The following RNASE11 variants were observed in gnomAD, a reference collection of about 807,000 sequenced individuals.
RNASE11 encodes the protein ribonuclease A family member 11 (inactive), also known as putative inactive ribonuclease 11.
For missense variants in RNASE11, 252 were observed against 237.8 expected, an observed-to-expected ratio of 1.06 and a Z score of -0.39; for synonymous variants, 105 against 86.1, an observed-to-expected ratio of 1.22 and a Z score of -1.21.
At chr14:20,585,526 T>C (rs1328348628) in intron 1 of RNASE11, among the ~76,000 whole-genome samples, 1 of 152,228 alleles carries the variant, frequency 6.6e-6, no homozygotes, top group Non-Finnish European at 1.5e-5. Context: ...TGTAGATTAA[T>C]AAAGAATCTG....
upstream of RNASE11, chr14:20,587,764 C>A (rs1422620962): frequency 1.0e-6 from 1 of 985,544 alleles, no homozygotes; most frequent in African/African-American, 1.7e-5. Context: ...CTGTCCTTCA[C>A]TTACGATTAT....
chr14:20,586,307 G>A (rs2138889561), intron 1 of RNASE11, among the ~76,000 whole-genome samples: 1 of 152,166 alleles, frequency 6.6e-6, no homozygotes, highest in Non-Finnish European at 1.5e-5. Flanking sequence ...ATCCTTCAAA[G>A]CCCAGTTCAG....
At chr14:20,584,085 C>T in exon 2 of RNASE11, 1 of 1,614,156 alleles carries the variant, frequency 6.2e-7, no homozygotes, top group East Asian at 2.2e-5. Flanking sequence ...CCCTGTGGAC[C>T]CTGCGCATCA....
At chr14:20,589,811 C>T (rs1305423587), upstream of RNASE11, among the ~76,000 whole-genome samples, 5 of 152,006 alleles carry the variant, frequency 3.3e-5, no homozygotes, top group Admixed American at 2.0e-4. Flanking sequence ...CACTTGAACC[C>T]GGGAAGCAGA....
chr14:20,582,942 T>G (rs143648004), downstream of RNASE11: 3 of 152,052 alleles, frequency 2.0e-5, no homozygotes, highest in African/African-American at 7.2e-5. Context: ...TAAGAAAGAG[T>G]GGTCTCAGGA....
In RNASE11 at chr14:20,587,642, G is replaced by A. The variant is rs954441041; in HGVS notation, c.-102C>T. 2 of 985,258 alleles carry A rather than the reference G, an allele frequency of 2.0e-6. No individual in the cohort carries two copies. Among genetic ancestry groups the A allele is most frequent in the Middle Eastern group, 5.2e-4 (1 of 1,916 alleles). 61.0% of individuals were successfully genotyped at this position (985,258 alleles called of 1,614,324 possible). On this transcript the variant is annotated 5_prime_UTR_variant, in exon 1 of 2. Coordinates refer to ENST00000553849, the Ensembl canonical transcript of RNASE11. The stretch of plus-strand genomic sequence containing the variant: ...CCCAAAATTCTATGGAGACAACAAT[G>A]ACAACAGAATTACCACAGAGAACTA...
In RNASE11 at chr14:20,584,088, G is replaced by A. The variant is rs369031945; in HGVS notation, c.387C>T (p.Arg129=). The change falls in exon 2 of 2, where the codon CGC becomes CGT. Residue 129 remains arginine, a synonymous_variant. Transcript: ENST00000553849. ...TGCAGCTGGGGGCCCTGTGGACCCT[G>A]CGCATCACTTCTGTGGAGCTGCGGA... 1.1e-5 allele frequency: 17 copies of A among 1,614,224 alleles called. No individual in the cohort carries two copies. In the African/African-American group the frequency reaches 1.6e-4, roughly 15 times the overall value.
chr14:20,582,897 A>G (rs1884334860), downstream of RNASE11: 1 of 152,232 alleles, frequency 6.6e-6, no homozygotes, highest in African/African-American at 2.4e-5. Context: ...CATAATTTAC[A>G]TACATTTACA....
At chr14:20,589,141 A>T (rs1303092863), upstream of RNASE11, among the ~76,000 whole-genome samples, 1 of 144,096 alleles carries the variant, frequency 6.9e-6, no homozygotes, top group Non-Finnish European at 1.5e-5. Context: ...AAAATTTTAA[A>T]TACCAGGATC....
upstream of RNASE11, chr14:20,590,070 G>T (rs2138899723): frequency 2.0e-6 from 2 of 979,326 alleles, no homozygotes; most frequent in Admixed American, 3.0e-5. Context: ...AACACATGTA[G>T]AATTTATGGT....
chr14:20,583,773 C>T (rs1290051326), exon 2 of RNASE11: 27 of 1,264,260 alleles, frequency 2.1e-5, no homozygotes, highest in Non-Finnish European at 2.4e-5. Flanking sequence ...ATCAGGAGTT[C>T]ACTATAGTGC....
At chr14:20,582,995 A>G (rs1408182136), downstream of RNASE11, 4 of 152,216 alleles carry the variant, frequency 2.6e-5, no homozygotes, top group Non-Finnish European at 5.9e-5. Context: ...ATATGGCCAC[A>G]CATCGATGAA....
chr14:20,587,698 C>G (rs1884465380), exon 1 of RNASE11: 2 of 985,226 alleles, frequency 2.0e-6, no homozygotes, highest in Admixed American at 6.2e-5. Context: ...AAACGGCCAC[C>G]TAAGATGGAA....
chr14:20,588,007 T>A (rs1884472067), upstream of RNASE11: 1 of 184,814 alleles, frequency 5.4e-6, no homozygotes, highest in Non-Finnish European at 1.0e-5. Context: ...TCTCTAGCTC[T>A]CACATACAGG....
At chr14:20,585,151 A>C (rs1884408826) in intron 1 of RNASE11, 1 of 890,572 alleles carries the variant, frequency 1.1e-6, no homozygotes, top group African/African-American at 1.8e-5. Context: ...GAGGGGCAAC[A>C]GAGGGGTAGA....
chr14:20,588,941 C>A (rs1884496367), upstream of RNASE11, among the ~76,000 whole-genome samples: 1 of 152,012 alleles, frequency 6.6e-6, no homozygotes, highest in South Asian at 2.1e-4. Context: ...CGTGCACCAC[C>A]ACACCCAACT....
chr14:20,587,016 G>A (rs1166028030), intron 1 of RNASE11, among the ~76,000 whole-genome samples: 2 of 152,264 alleles, frequency 1.3e-5, no homozygotes, highest in South Asian at 2.1e-4. Context: ...AGCCAGTTGT[G>A]GTGGCATATG....
At chr14:20,583,473 A>G, downstream of RNASE11, 1 of 187,156 alleles carries the variant, frequency 5.3e-6, no homozygotes, top group Admixed American at 5.3e-5. Flanking sequence ...AATATATGTC[A>G]CACTCATTCA....
At chr14:20,588,703 C>G (rs1360638140), upstream of RNASE11, among the ~76,000 whole-genome samples, 1 of 152,206 alleles carries the variant, frequency 6.6e-6, no homozygotes, top group South Asian at 2.1e-4. Flanking sequence ...ATGAGACACT[C>G]ACTCTAAGAC....
Sources: allele counts gnomAD v4.1 joint callset (sites outside exome capture counted in the v4.1 genomes callset), GRCh38; gene constraint gnomAD v4.1.1; transcripts MANE v1.5; gene names NCBI Gene and HGNC (gene_info 2026-07-23, HGNC 2026-07-21).